Variants in TCERG1L observed in about 807,000 individuals in gnomAD.
The protein encoded by TCERG1L is transcription elongation regulator 1-like protein.
A neutral mutation model predicts 56.3 loss-of-function variants in TCERG1L; 37 were observed. The ratio of observed to expected loss-of-function variants is 0.66; its 90% CI spans 0.51 to 0.87. The LOEUF (loss-of-function observed/expected upper bound fraction) is 0.87. Among genes scored for constraint, TCERG1L ranks in the 40% least tolerant of loss-of-function variants. TCERG1L has a pLI of 0.00. For synonymous variants in TCERG1L, 324 were observed against 326.3 expected, an observed-to-expected ratio of 0.99 and a Z score of 0.08; for missense variants, 799 against 774.2, an observed-to-expected ratio of 1.03 and a Z score of -0.38.
intron 11 of TCERG1L, among the ~76,000 whole-genome samples, chr10:131,093,734 T>C (rs974186993): frequency 4.6e-5 from 7 of 152,142 alleles, no homozygotes; most frequent in Admixed American, 3.9e-4. Flanking sequence ...ACCCTTCCCT[T>C]GTTTCTTCCC....
chr10:131,248,443 G>C (rs1248752047), intron 4 of TCERG1L, among the ~76,000 whole-genome samples: 1 of 151,968 alleles, frequency 6.6e-6, no homozygotes, highest in Non-Finnish European at 1.5e-5. Context: ...ACACCAGGCT[G>C]ATCTCTCTCT....
At chr10:131,226,137 C>T (rs72841336) in intron 4 of TCERG1L, among the ~76,000 whole-genome samples, 4,991 of 152,222 alleles carry the variant, frequency 0.033, 129 homozygotes, top group Non-Finnish European at 0.053. Context: ...GATGGAGTGT[C>T]ACTAGGTTGC....
chr10:131,126,525 C>T (rs1161654553), intron 8 of TCERG1L, among the ~76,000 whole-genome samples: 3 of 151,620 alleles, frequency 2.0e-5, no homozygotes, highest in African/African-American at 4.9e-5. Context: ...CTCTCAGCTG[C>T]GGGAGGCAGG....
At chr10:131,129,627 T>C (rs767975404) in intron 8 of TCERG1L, among the ~76,000 whole-genome samples, 15 of 152,232 alleles carry the variant, frequency 9.9e-5, no homozygotes, top group Non-Finnish European at 1.6e-4. Context: ...AAGCACACAC[T>C]GGACCATCTT....
chr10:131,267,722 G>A lies in TCERG1L; in HGVS notation c.671-7278C>T, dbSNP rs1481788186. Among the ~76,000 whole-genome samples, 1 of 152,206 alleles carries A rather than the reference G, an allele frequency of 6.6e-6. No individual in the cohort carries two copies. ...GAGCAGGTCCTGCCCAGCCATGCAA[G>A]GGTGGAGGTGGCACAGTTGGCTGCC... On this transcript the variant is annotated intron_variant, in intron 3 of 11. Coordinates refer to ENST00000368642, the MANE Select transcript of TCERG1L (RefSeq NM_174937.4). This position sits in a 1 kb window ranked among gnomAD's most constrained non-coding sequence, Gnocchi z 4.9.
rs1183253823 is a variant in TCERG1L at position 131,103,554 on chromosome 10, G to A, written c.1485+711C>T. On this transcript the variant is annotated intron_variant, in intron 10 of 11. Coordinates refer to ENST00000368642, the MANE Select transcript of TCERG1L (RefSeq NM_174937.4). This position sits in a 1 kb window ranked among gnomAD's most constrained non-coding sequence, Gnocchi z 4.3. ...AAAAGTACAAAAATTAGCCAGGCGT[G>A]GTGGCTGGAGCCTGTAGTCTCAGCT... Among the ~76,000 whole-genome samples, 3 of 152,292 alleles carry A rather than the reference G, an allele frequency of 2.0e-5. No individual in the cohort carries two copies. The East Asian group carries it at 5.8e-4, about 30-fold the overall frequency.
intron 3 of TCERG1L, among the ~76,000 whole-genome samples, chr10:131,282,310 C>A (rs115178742): frequency 0.083 from 11,260 of 135,720 alleles, 520 homozygotes; most frequent in African/African-American, 0.13. Flanking sequence ...TCAAAAAAAC[C>A]GTGTTATAGG....
chr10:131,153,028 G>T (rs1390362766), intron 6 of TCERG1L, among the ~76,000 whole-genome samples: 2 of 152,176 alleles, frequency 1.3e-5, no homozygotes, highest in Non-Finnish European at 2.9e-5. Flanking sequence ...GGTAAGATTT[G>T]GGAGGGGACA....
intron 6 of TCERG1L, among the ~76,000 whole-genome samples, chr10:131,153,442 A>G (rs953987325): frequency 6.6e-6 from 1 of 152,140 alleles, no homozygotes; most frequent in Non-Finnish European, 1.5e-5. Flanking sequence ...AGACCCTAGA[A>G]ACCTGTGTTC....
chr10:131,309,423 G>C, intron 1 of TCERG1L, 124 bp from the exon 2 acceptor site: 15 of 1,300,950 alleles, frequency 1.2e-5, no homozygotes, highest in Non-Finnish European at 1.5e-5. Flanking sequence ...TTGATTATCA[G>C]ATAAATTTCC....
chr10:131,129,897 G>A (rs1845600211), intron 8 of TCERG1L, among the ~76,000 whole-genome samples: 1 of 152,128 alleles, frequency 6.6e-6, no homozygotes, highest in Non-Finnish European at 1.5e-5. Flanking sequence ...ATGGTGGCAG[G>A]AGACAGAGTG....
chr10:131,217,708 C>CTTTT (rs534101797), intron 4 of TCERG1L, among the ~76,000 whole-genome samples: 9 of 79,046 alleles, frequency 1.1e-4, no homozygotes, highest in African/African-American at 1.6e-4. Context: ...AGTAGCTGCC[C>CTTTT]TTTTTTTTTT....
chr10:131,285,437 A>G (rs10829969), intron 3 of TCERG1L, among the ~76,000 whole-genome samples: 47 of 148,744 alleles, frequency 3.2e-4, no homozygotes, highest in African/African-American at 9.4e-4. Context: ...GAAAGAGAGA[A>G]AGAGAAACAA....
intron 11 of TCERG1L, 106 bp from the exon 12 acceptor site, chr10:131,093,424 G>A: frequency 7.2e-7 from 1 of 1,386,262 alleles, no homozygotes; most frequent in Non-Finnish European, 9.8e-7. Flanking sequence ...CTTCCACCAG[G>A]CCTGGCCGTG....
chr10:131,291,489 T>C (rs554104176), intron 3 of TCERG1L, among the ~76,000 whole-genome samples: 12 of 131,034 alleles, frequency 9.2e-5, no homozygotes, highest in South Asian at 5.5e-4. Flanking sequence ...TGCAGTGGCG[T>C]GATCTCGGCT....
intron 4 of TCERG1L, among the ~76,000 whole-genome samples, chr10:131,230,438 C>G (rs1845837229): frequency 6.6e-6 from 1 of 152,194 alleles, no homozygotes; most frequent in South Asian, 2.1e-4. Flanking sequence ...AGGGCACCGG[C>G]TGAAGCAGTG....
chr10:131,165,797 G>A (rs559734227), intron 5 of TCERG1L, among the ~76,000 whole-genome samples: 33 of 152,178 alleles, frequency 2.2e-4, no homozygotes, highest in Admixed American at 5.9e-4. Context: ...TCTTCTCCAC[G>A]AGATGCATGC....
intron 4 of TCERG1L, among the ~76,000 whole-genome samples, chr10:131,210,379 C>A (rs1339887422): frequency 6.6e-6 from 1 of 152,236 alleles, no homozygotes; most frequent in East Asian, 1.9e-4. Context: ...AACTAAGAAC[C>A]TGCCCACTTG....
At chr10:131,120,967 AAC>A (rs568725506) in intron 8 of TCERG1L, among the ~76,000 whole-genome samples, 3 of 152,216 alleles carry the variant, frequency 2.0e-5, no homozygotes, top group Admixed American at 6.5e-5. Flanking sequence ...ACATGTATAA[AAC>A]AGTTACACAC....
Sources: allele counts gnomAD v4.1 joint callset (sites outside exome capture counted in the v4.1 genomes callset), GRCh38; gene constraint gnomAD v4.1.1; non-coding constraint Gnocchi (gnomAD v3.1); transcripts MANE v1.5; gene names NCBI Gene and HGNC (gene_info 2026-07-23, HGNC 2026-07-21).